Variants in OR3A2 observed in about 807,000 individuals in gnomAD.
OR3A2 encodes olfactory receptor family 3 subfamily A member 2.
For missense variants in OR3A2, 318 were observed against 392.8 expected, an observed-to-expected ratio of 0.81 and a Z score of 1.61; for synonymous variants, 126 against 159.3, an observed-to-expected ratio of 0.79 and a Z score of 1.57.
At position 3,375,665 on chromosome 17, in the gene OR3A2, T is replaced by C. The variant is rs183649731; in HGVS notation, c.-179+8139A>G. Reference sequence around the variant, plus strand: ...CTAGTGTGATCTTTTGGGGGTGTTATAGAACCTTGTTTTGCTATATTACCA... The same window carrying C: ...CTAGTGTGATCTTTTGGGGGTGTTACAGAACCTTGTTTTGCTATATTACCA... On this transcript the variant is annotated intron_variant, in intron 2 of 4. Coordinates refer to the OR3A2 transcript ENST00000573491. Among the ~76,000 whole-genome samples, 56 of 152,328 alleles carry C rather than the reference T, an allele frequency of 3.7e-4. No homozygotes were observed. The South Asian group carries it at 0.011, about 29-fold the overall frequency.
intron 3 of OR3A2, among the ~76,000 whole-genome samples, chr17:3,332,009 C>T (rs1050656092): frequency 1.3e-5 from 2 of 152,072 alleles, no homozygotes. Flanking sequence ...TGGGGGGTGC[C>T]TCCCAGTTAG....
chr17:3,335,542 G>A (rs969142855), intron 3 of OR3A2, among the ~76,000 whole-genome samples: 1 of 152,002 alleles, frequency 6.6e-6, no homozygotes, highest in African/African-American at 2.4e-5. Context: ...TTAAAAATGT[G>A]TTTCTGATCT....
chr17:3,318,203 C>G (rs1353656535), intron 3 of OR3A2, among the ~76,000 whole-genome samples: 1 of 152,150 alleles, frequency 6.6e-6, no homozygotes, highest in Admixed American at 6.6e-5. Flanking sequence ...CAGGATAATG[C>G]AGCCTAGGTG....
intron 3 of OR3A2, among the ~76,000 whole-genome samples, chr17:3,318,008 T>C (rs2049091581): frequency 6.6e-6 from 1 of 152,196 alleles, no homozygotes; most frequent in African/African-American, 2.4e-5. Flanking sequence ...TTTGGCGTTT[T>C]AGTTAAGCAG....
Position 3,363,849 on chromosome 17 carries a change from G to A in OR3A2, c.-179+19955C>T, listed in dbSNP as rs1269790191. On this transcript the variant is annotated intron_variant, in intron 2 of 4. Coordinates refer to the OR3A2 transcript ENST00000573491. ...AAGGTGAAGCAGAAACAAGCACCTT[G>A]TTAACATGGTGGCAGGAGAAAGAGA... Among the ~76,000 whole-genome samples the A allele has an allele frequency of 2.0e-5, 3 of 152,174 alleles. No individual in the cohort carries two copies. The East Asian group carries it at 5.8e-4, about 29-fold the overall frequency.
upstream of OR3A2, among the ~76,000 whole-genome samples, chr17:3,288,950 AG>A (rs1267282875): frequency 6.6e-6 from 1 of 152,234 alleles, no homozygotes; most frequent in African/African-American, 2.4e-5. Context: ...GTGGTTAAAT[AG>A]ATTATAATTT....
chr17:3,277,489 C>G (rs1026625303), exon 2 of OR3A2: 1 of 157,458 alleles, frequency 6.4e-6, no homozygotes, highest in African/African-American at 2.4e-5. Context: ...TGTGATTGAC[C>G]GACTGGACAT....
At chr17:3,315,400 T>A (rs1435456948) in intron 3 of OR3A2, among the ~76,000 whole-genome samples, 1 of 152,198 alleles carries the variant, frequency 6.6e-6, no homozygotes, top group Non-Finnish European at 1.5e-5. Flanking sequence ...TGAAGTGGTG[T>A]CTCATTGTGA....
chr17:3,371,098 T>G (rs965116570), intron 2 of OR3A2, among the ~76,000 whole-genome samples: 6 of 151,670 alleles, frequency 4.0e-5, no homozygotes, highest in African/African-American at 1.2e-4. Context: ...AAACCACCAT[T>G]GTCATCATGG....
intron 3 of OR3A2, among the ~76,000 whole-genome samples, chr17:3,305,024 G>A (rs1027295393): frequency 6.6e-6 from 1 of 152,182 alleles, no homozygotes; most frequent in Non-Finnish European, 1.5e-5. Flanking sequence ...AGAAAGGTAC[G>A]GGGTAACATT....
intron 2 of OR3A2, among the ~76,000 whole-genome samples, chr17:3,367,182 T>C (rs1255136118): frequency 6.6e-6 from 1 of 152,060 alleles, no homozygotes; most frequent in Non-Finnish European, 1.5e-5. Context: ...ACAAGTTCTG[T>C]GACTTTTGGC....
chr17:3,289,230 A>G (rs1415514612), upstream of OR3A2, among the ~76,000 whole-genome samples: 1 of 152,244 alleles, frequency 6.6e-6, no homozygotes, highest in African/African-American at 2.4e-5. Context: ...TACTGTTTGT[A>G]CATTTACAAC....
At chr17:3,384,566 T>C (rs539547402) in intron 1 of OR3A2, among the ~76,000 whole-genome samples, 1 of 152,248 alleles carries the variant, frequency 6.6e-6, no homozygotes, top group Non-Finnish European at 1.5e-5. Flanking sequence ...CAAATTTCTC[T>C]AGGAAGAATA....
At chr17:3,335,119 G>A (rs565298182) in intron 3 of OR3A2, among the ~76,000 whole-genome samples, 1 of 152,096 alleles carries the variant, frequency 6.6e-6, no homozygotes, top group African/African-American at 2.4e-5. Context: ...TCATTTGTCT[G>A]TTTGTAAATT....
At chr17:3,332,996 G>A (rs2049251181) in intron 3 of OR3A2, among the ~76,000 whole-genome samples, 1 of 152,152 alleles carries the variant, frequency 6.6e-6, no homozygotes, top group African/African-American at 2.4e-5. Flanking sequence ...ACAACCATAA[G>A]ATCTGACTGC....
chr17:3,319,710 A>C (rs938401673), intron 3 of OR3A2, among the ~76,000 whole-genome samples: 5 of 152,004 alleles, frequency 3.3e-5, no homozygotes, highest in African/African-American at 9.7e-5. Context: ...TGAACTCATC[A>C]TTTTTTATGG....
exon 1 of OR3A2, chr17:3,386,260 G>A (rs992994039): frequency 1.3e-5 from 5 of 398,634 alleles, no homozygotes; most frequent in African/African-American, 2.1e-5. Flanking sequence ...GGGCATCACC[G>A]AGAGCTACCT....
At chr17:3,330,407 A>G (rs767496532) in intron 3 of OR3A2, among the ~76,000 whole-genome samples, 19,901 of 147,270 alleles carry the variant, frequency 0.14, 1,821 homozygotes, top group African/African-American at 0.25. Context: ...TGTATTGGGT[A>G]CATATATATT....
chr17:3,347,093 T>G (rs1343092754), intron 2 of OR3A2, among the ~76,000 whole-genome samples: 1 of 152,180 alleles, frequency 6.6e-6, no homozygotes, highest in African/African-American at 2.4e-5. Context: ...GCTCTATTTC[T>G]ACTTTATTGA....
Sources: allele counts gnomAD v4.1 joint callset (sites outside exome capture counted in the v4.1 genomes callset), GRCh38; gene constraint gnomAD v4.1.1; transcripts MANE v1.5; gene names NCBI Gene and HGNC (gene_info 2026-07-23, HGNC 2026-07-21).